MACROD2: variants seen among roughly 807,000 people sequenced by gnomAD.
MACROD2 encodes the protein mono-ADP ribosylhydrolase 2, also known as ADP-ribose glycohydrolase MACROD2.
MACROD2 carries 36 observed loss-of-function variants against 70.4 expected under a neutral mutation model. That is an observed-to-expected ratio of 0.51 (90% CI 0.39 to 0.68). MACROD2 has a LOEUF of 0.68. Ranked by LOEUF, MACROD2 falls within the 30% of genes least tolerant of loss-of-function variation. The pLI is 0.00. For missense variants in MACROD2, 496 were observed against 538.4 expected, an observed-to-expected ratio of 0.92 and a Z score of 0.78; for synonymous variants, 172 against 178.8, an observed-to-expected ratio of 0.96 and a Z score of 0.30.
chr20:15,197,481 G>A (rs970301882), intron 5 of MACROD2, among the ~76,000 whole-genome samples: 8 of 152,152 alleles, frequency 5.3e-5, no homozygotes, highest in African/African-American at 1.9e-4. Context: ...TAGTTGTATC[G>A]AGACATATAA....
At chr20:15,831,763 A>G (rs1287936977) in intron 8 of MACROD2, among the ~76,000 whole-genome samples, 2 of 152,008 alleles carry the variant, frequency 1.3e-5, no homozygotes, top group African/African-American at 4.8e-5. Context: ...TGACCTAGTC[A>G]CTCCTCAGAC....
intron 8 of MACROD2, among the ~76,000 whole-genome samples, chr20:15,857,629 A>T (rs2064371959): frequency 6.6e-6 from 1 of 152,168 alleles, no homozygotes; most frequent in African/African-American, 2.4e-5. Context: ...CTCTGACTGC[A>T]CTTCTGCCCT....
intron 3 of MACROD2, among the ~76,000 whole-genome samples, chr20:14,456,237 T>G (rs1243741640): frequency 6.6e-6 from 1 of 151,930 alleles, no homozygotes; most frequent in Non-Finnish European, 1.5e-5. Context: ...AATCTTTCAG[T>G]AATAGATCCC....
At chr20:15,775,448 C>T (rs2051706171) in intron 8 of MACROD2, among the ~76,000 whole-genome samples, 1 of 151,994 alleles carries the variant, frequency 6.6e-6, no homozygotes. Context: ...TTCTGTTTAG[C>T]CCTTAGGGAA....
rs538519997 is a variant in MACROD2, at chr20:14,828,934, G to A, written c.418+143975G>A. Among the ~76,000 whole-genome samples the A allele has an allele frequency of 2.0e-5, 3 of 150,600 alleles. No homozygotes were observed. The South Asian group carries it at 6.4e-4, about 32-fold the overall frequency. ...CCCACAACTACAATTAACATGTGATGGTCCAGAACTATTTTTTCCTTCTTT... is the reference window on the plus strand; with the variant it reads ...CCCACAACTACAATTAACATGTGATAGTCCAGAACTATTTTTTCCTTCTTT... On this transcript the variant is annotated intron_variant, in intron 5 of 17. Coordinates refer to ENST00000684519, the MANE Select transcript of MACROD2 (RefSeq NM_001351661.2).
At chr20:15,360,961 C>T (rs1281410109) in intron 6 of MACROD2, among the ~76,000 whole-genome samples, 1 of 151,248 alleles carries the variant, frequency 6.6e-6, no homozygotes, top group Non-Finnish European at 1.5e-5. Flanking sequence ...AGATATCGGA[C>T]CTTTGTCATA....
In MACROD2 at chr20:14,862,889, G is replaced by A. The variant is rs190935370; in HGVS notation, c.418+177930G>A. ...AGTGAGGGATTTTGAACAATGAGCT[G>A]TACATTCCTATATGGGAGCCAAACT... On this transcript the variant is annotated intron_variant, in intron 5 of 17. Transcript: ENST00000684519. Among the ~76,000 whole-genome samples, 43 of 149,582 alleles carry A rather than the reference G, an allele frequency of 2.9e-4. 1 individual carries two copies. The highest frequency in any genetic ancestry group is 2.5e-3 in the Admixed American group (37 of 14,626).
intron 4 of MACROD2, among the ~76,000 whole-genome samples, chr20:14,518,769 AG>A (rs1812537214): frequency 1.3e-5 from 2 of 152,190 alleles, no homozygotes; most frequent in African/African-American, 4.8e-5. Context: ...AAGGGAGATA[AG>A]ACTAAAGTGT....
At chr20:15,041,121 G>A (rs181520033) in intron 5 of MACROD2, among the ~76,000 whole-genome samples, 74 of 152,262 alleles carry the variant, frequency 4.9e-4, no homozygotes, top group African/African-American at 1.7e-3. Context: ...GAATTGTGCA[G>A]TTATGAAAAT....
intron 5 of MACROD2, among the ~76,000 whole-genome samples, chr20:15,210,080 ATCTC>A (rs764597607): frequency 6.6e-6 from 1 of 152,138 alleles, no homozygotes; most frequent in Non-Finnish European, 1.5e-5. Flanking sequence ...ACTGTAGTTC[ATCTC>A]TCTCTCACTA....
intron 5 of MACROD2, among the ~76,000 whole-genome samples, chr20:14,915,333 C>G (rs930158220): frequency 6.6e-6 from 1 of 152,136 alleles, no homozygotes; most frequent in Non-Finnish European, 1.5e-5. Flanking sequence ...CCAAATAAAG[C>G]TTAATGTGTC....
intron 3 of MACROD2, among the ~76,000 whole-genome samples, chr20:14,440,914 T>C (rs1270895417): frequency 6.6e-6 from 1 of 152,100 alleles, no homozygotes; most frequent in African/African-American, 2.4e-5. Flanking sequence ...TGGGGCCATA[T>C]AACCCTGCAG....
chr20:14,374,391 TG>T (rs1455603614), intron 3 of MACROD2, among the ~76,000 whole-genome samples: 1 of 152,110 alleles, frequency 6.6e-6, no homozygotes, highest in Admixed American at 6.6e-5. Context: ...TTCTCAGCAT[TG>T]TAAGGTCAAG....
chr20:15,967,681 GA>G (rs11467891), intron 13 of MACROD2, 51 bp downstream of exon 13: 73,246 of 413,572 alleles, frequency 0.18, 1,328 homozygotes, highest in Middle Eastern at 0.2. Context: ...CTGGGAAACA[GA>G]AAAAAAAAAA....
chr20:14,688,411 C>A (rs2071026770), intron 5 of MACROD2, among the ~76,000 whole-genome samples: 1 of 152,134 alleles, frequency 6.6e-6, no homozygotes, highest in Non-Finnish European at 1.5e-5. Context: ...TTCTGTGACT[C>A]ATCATAATTA....
At chr20:15,644,506 C>CT (rs1347111244) in intron 8 of MACROD2, among the ~76,000 whole-genome samples, 1 of 152,132 alleles carries the variant, frequency 6.6e-6, no homozygotes, top group African/African-American at 2.4e-5. Flanking sequence ...TCTCTTTTGT[C>CT]TTAACAGTAC....
At chr20:15,754,295 A>T (rs2051313890) in intron 8 of MACROD2, among the ~76,000 whole-genome samples, 1 of 152,198 alleles carries the variant, frequency 6.6e-6, no homozygotes, top group African/African-American at 2.4e-5. Flanking sequence ...GGAAAAAAAT[A>T]AATCAGCAAA....
intron 10 of MACROD2, among the ~76,000 whole-genome samples, chr20:15,925,303 C>T (rs192291645): frequency 5.3e-5 from 8 of 152,250 alleles, no homozygotes; most frequent in African/African-American, 1.9e-4. Flanking sequence ...ATTGTCATTC[C>T]TTAATAGTTA....
Position 15,891,407 on chromosome 20 carries a change from T to A in MACROD2, c.775+5596T>A, listed in dbSNP as rs568030017. The stretch of plus-strand genomic sequence containing the variant: ...CTGGAATTGGATTTGGATCTTATTC[T>A]AAGCAATGGTTTTTAAACAGGTGAG... On this transcript the variant is annotated intron_variant, in intron 10 of 17. Transcript: ENST00000684519. Among the ~76,000 whole-genome samples the A allele has an allele frequency of 8.5e-5, 13 of 152,322 alleles. No individual in the cohort carries two copies. The East Asian group carries it at 1.5e-3, about 18-fold the overall frequency.
Sources: gnomAD v4.1 joint callset for allele counts (sites outside exome capture counted in the v4.1 genomes callset) on GRCh38, gnomAD v4.1.1 for gene constraint, MANE v1.5 for transcripts, NCBI Gene and HGNC (gene_info 2026-07-23, HGNC 2026-07-21) for gene names.